The following CLMP variants were observed in gnomAD, a reference collection of about 807,000 sequenced individuals.
The protein encoded by CLMP is CXADR-like membrane protein.
In CLMP, 27 loss-of-function variants were observed where a neutral mutation model predicts 45.2. That is an observed-to-expected ratio of 0.60 (90% CI 0.44 to 0.82). CLMP has a LOEUF of 0.82. CLMP is among the 40% of genes least tolerant of loss of function. The probability of loss-of-function intolerance (pLI) is 0.00; values close to 1 mark genes in which losing one functional copy is unlikely to be tolerated. For synonymous variants in CLMP, 167 were observed against 171.4 expected, an observed-to-expected ratio of 0.97 and a Z score of 0.20; for missense variants, 403 against 448.4, an observed-to-expected ratio of 0.90 and a Z score of 0.91.
Position 123,073,248 on chromosome 11 carries a change from C to A in CLMP, c.*226G>T. 1 of 496,798 alleles carries A rather than the reference C, an allele frequency of 2.0e-6. No homozygotes were observed. Among genetic ancestry groups the A allele is most frequent in the Non-Finnish European group, 3.5e-6 (1 of 284,704 alleles). 30.8% of individuals were successfully genotyped at this position (496,798 alleles called of 1,614,324 possible). ...GACTCCTGCTTTCCCTTACTCTGGT[C>A]TAAAGGCACAATAAGATGCCTTTTT... On this transcript the variant is annotated 3_prime_UTR_variant, in exon 7 of 7. Transcript: ENST00000448775.
chr11:123,169,138 C>G (rs1861597108), intron 1 of CLMP, among the ~76,000 whole-genome samples: 1 of 152,166 alleles, frequency 6.6e-6, no homozygotes, highest in Non-Finnish European at 1.5e-5. Context: ...CCCAAAGCAG[C>G]TGGGCTCCAA....
At chr11:123,120,475 A>G (rs115225662) in intron 1 of CLMP, among the ~76,000 whole-genome samples, 3,391 of 152,216 alleles carry the variant, frequency 0.022, 132 homozygotes, top group African/African-American at 0.076. Context: ...AGCAATTCAA[A>G]TACCAGAAAA....
rs114690317 is a variant in CLMP at position 123,168,530 on chromosome 11, G to C, written c.28+26383C>G. ...AAGCCTTGGGGCTGCTTTTCTCCTTGCCACTCAATTGCCTTGCAGTGTCCC... is the reference window on the plus strand; with the variant it reads ...AAGCCTTGGGGCTGCTTTTCTCCTTCCCACTCAATTGCCTTGCAGTGTCCC... On this transcript the variant is annotated intron_variant, in intron 1 of 6. Coordinates refer to ENST00000448775, the MANE Select transcript of CLMP (RefSeq NM_024769.5). Among the ~76,000 whole-genome samples, 527 of 152,284 alleles carry C rather than the reference G, an allele frequency of 3.5e-3. 2 individuals are homozygous for C. Among genetic ancestry groups the C allele is most frequent in the African/African-American group, 0.011 (471 of 41,554 alleles).
chr11:123,195,073 C>G lies in CLMP; in HGVS notation c.-133G>C. The G allele has an allele frequency of 1.4e-6, 1 of 740,694 alleles. No homozygotes were observed. Among genetic ancestry groups the G allele is most frequent in the South Asian group, 4.9e-5 (1 of 20,488 alleles). 45.9% of individuals were successfully genotyped at this position (740,694 alleles called of 1,614,324 possible). ...CGCGCGAGGTGGCTGCAGCCATGTGCCGGGCGGGAGCCGGCCCCGCGCCCC... is the reference window on the plus strand; with the variant it reads ...CGCGCGAGGTGGCTGCAGCCATGTGGCGGGCGGGAGCCGGCCCCGCGCCCC... On this transcript the variant is annotated 5_prime_UTR_variant, in exon 1 of 7. Coordinates refer to ENST00000448775, the MANE Select transcript of CLMP (RefSeq NM_024769.5).
intron 1 of CLMP, among the ~76,000 whole-genome samples, chr11:123,104,677 C>T (rs1167905822): frequency 6.6e-6 from 1 of 152,058 alleles, no homozygotes; most frequent in African/African-American, 2.4e-5. Flanking sequence ...TGAGCCACCG[C>T]GTCCGGCCTC....
chr11:123,125,488 CCTTCCTCCCTT>C (rs1860876485), intron 1 of CLMP, among the ~76,000 whole-genome samples: 2 of 105,894 alleles, frequency 1.9e-5, no homozygotes, highest in Admixed American at 1.0e-4. Flanking sequence ...CTCCCTCCCT[CCTTCCTCCCTT>C]CTTCCTCCCT....
chr11:123,184,969 G>A (rs1188929551), intron 1 of CLMP, among the ~76,000 whole-genome samples: 2 of 152,302 alleles, frequency 1.3e-5, no homozygotes, highest in East Asian at 1.9e-4. Context: ...CTATTCTAAA[G>A]GTGTGGACAA....
At chr11:123,089,200 C>A (rs980981586) in intron 2 of CLMP, among the ~76,000 whole-genome samples, 9 of 151,564 alleles carry the variant, frequency 5.9e-5, no homozygotes, top group African/African-American at 1.7e-4. Flanking sequence ...GCTTGGCCAA[C>A]GTGGTGAAAC....
intron 1 of CLMP, among the ~76,000 whole-genome samples, chr11:123,185,824 CAG>C (rs1485417252): frequency 2.0e-5 from 3 of 152,204 alleles, no homozygotes; most frequent in Admixed American, 1.3e-4. Context: ...AAAAAACAAA[CAG>C]ATTTTTCTTC....
chr11:123,154,137 T>C (rs1394866305), intron 1 of CLMP, among the ~76,000 whole-genome samples: 11 of 152,208 alleles, frequency 7.2e-5, no homozygotes, highest in Non-Finnish European at 5.9e-5. Context: ...GCCCTCATAC[T>C]TCTCAGCTCT....
chr11:123,154,970 G>A (rs896973608), intron 1 of CLMP, among the ~76,000 whole-genome samples: 6 of 152,160 alleles, frequency 3.9e-5, no homozygotes, highest in Admixed American at 1.3e-4. Context: ...TTAGTTAGGT[G>A]GTTAGAATAG....
At chr11:123,127,324 G>A (rs996286950) in intron 1 of CLMP, among the ~76,000 whole-genome samples, 1 of 152,108 alleles carries the variant, frequency 6.6e-6, no homozygotes, top group Non-Finnish European at 1.5e-5. Flanking sequence ...GTTTCACCAT[G>A]TTGACCAGAC....
chr11:123,074,173 C>CTTTTTTTT (rs113482011), intron 6 of CLMP, among the ~76,000 whole-genome samples: 1 of 130,680 alleles, frequency 7.7e-6, no homozygotes. Flanking sequence ...TATGTACATA[C>CTTTTTTTT]TTTTTTTTTT....
At chr11:123,146,965 T>A (rs1022690462) in intron 1 of CLMP, among the ~76,000 whole-genome samples, 4 of 152,206 alleles carry the variant, frequency 2.6e-5, no homozygotes, top group Non-Finnish European at 5.9e-5. Context: ...TTGCTTCACA[T>A]TCAGCCAGCC....
chr11:123,074,665 CAG>C lies in CLMP; in HGVS notation c.821+35_821+36del, dbSNP rs147460789. 1.5e-3 allele frequency: 2,421 copies of C among 1,606,278 alleles called. 27 individuals are homozygous for C. In the African/African-American group the frequency reaches 0.028, roughly 19 times the overall value. On this transcript the variant is annotated intron_variant, in intron 6 of 6. Transcript: ENST00000448775. ...GGTCACTATAGTGCTGGCCCTAAAACAGAAGCCCCGTAAAAGTAGGGATGTGG... is the reference window on the plus strand; with the variant it reads ...GGTCACTATAGTGCTGGCCCTAAAACAAGCCCCGTAAAAGTAGGGATGTGG...
intron 1 of CLMP, among the ~76,000 whole-genome samples, chr11:123,151,712 C>A (rs1397020308): frequency 6.6e-6 from 1 of 152,208 alleles, no homozygotes; most frequent in African/African-American, 2.4e-5. Flanking sequence ...AGAATCTGAT[C>A]AATTAATTCC....
intron 1 of CLMP, among the ~76,000 whole-genome samples, chr11:123,184,241 C>T (rs1405456264): frequency 6.6e-6 from 1 of 152,164 alleles, no homozygotes; most frequent in South Asian, 2.1e-4. Flanking sequence ...ACTACAGGCA[C>T]GTGCCACCAC....
At chr11:123,093,665 A>G (rs1436383102) in intron 2 of CLMP, among the ~76,000 whole-genome samples, 3 of 100,602 alleles carry the variant, frequency 3.0e-5, no homozygotes, top group African/African-American at 1.5e-4. Flanking sequence ...CACTGTGCCC[A>G]GCCTATTTTG....
intron 1 of CLMP, among the ~76,000 whole-genome samples, chr11:123,114,926 G>T (rs1395526177): frequency 6.6e-6 from 1 of 152,158 alleles, no homozygotes; most frequent in Non-Finnish European, 1.5e-5. Context: ...TTAACTCTAA[G>T]ACCTATACCC....
Sources: gnomAD v4.1 joint callset for allele counts (sites outside exome capture counted in the v4.1 genomes callset) on GRCh38, gnomAD v4.1.1 for gene constraint, MANE v1.5 for transcripts, NCBI Gene and HGNC (gene_info 2026-07-23, HGNC 2026-07-21) for gene names.